Variants in ESR1 observed in about 807,000 individuals in gnomAD.
ESR1 encodes the protein estrogen receptor.
A neutral mutation model predicts 52.7 loss-of-function variants in ESR1; 12 were observed. The observed-to-expected ratio is 0.23, with a 90% confidence interval of 0.15 to 0.37. The LOEUF (loss-of-function observed/expected upper bound fraction) is 0.37. Among genes scored for constraint, ESR1 ranks in the 10% least tolerant of loss-of-function variants. The pLI, the probability that ESR1 is intolerant of heterozygous loss-of-function variation, is 1.00. For missense variants in ESR1, 584 were observed against 779.7 expected (o/e 0.75, Z 2.99); for synonymous variants, 305 against 316.8 (o/e 0.96, Z 0.39).
chr6:152,120,724 T>C (rs1010431969), intron 6 of ESR1, among the ~76,000 whole-genome samples: 1 of 152,044 alleles, frequency 6.6e-6, no homozygotes, highest in Non-Finnish European at 1.5e-5. Flanking sequence ...CCAGGCCCCA[T>C]CCCAGAGGTT....
chr6:151,748,754 G>A (rs1783673212), intron 2 of ESR1, among the ~76,000 whole-genome samples: 1 of 151,968 alleles, frequency 6.6e-6, no homozygotes, highest in Non-Finnish European at 1.5e-5. Flanking sequence ...ACCTATAAGG[G>A]GCAAATCAAG....
chr6:151,741,396 G>A (rs566286981), intron 2 of ESR1, among the ~76,000 whole-genome samples: 2 of 151,924 alleles, frequency 1.3e-5, no homozygotes, highest in African/African-American at 2.4e-5. Flanking sequence ...GAGCGCATAC[G>A]GGATAAGGGC....
intron 3 of ESR1, among the ~76,000 whole-genome samples, chr6:151,930,459 A>G (rs1424529999): frequency 6.6e-6 from 1 of 152,164 alleles, no homozygotes. Context: ...CATAGCTGTC[A>G]TTTATTTCAT....
rs1486534297 is a variant in ESR1 at position 152,101,529 on chromosome 6, A to C, written c.*2563A>C. On this transcript the variant is annotated 3_prime_UTR_variant, in exon 8 of 8. Coordinates refer to ENST00000206249, the MANE Select transcript of ESR1 (RefSeq NM_000125.4). ...TGGGCAGAGAACATCAGATGATTGA[A>C]ATGTTCGCCCAGGGGTCTCCAGCAA... 2.2e-5 allele frequency: 5 copies of C among 231,812 alleles called. No individual in the cohort carries two copies. Among genetic ancestry groups the C allele is most frequent in the Non-Finnish European group, 4.3e-5 (5 of 117,318 alleles). 14.4% of individuals were successfully genotyped at this position (231,812 alleles called of 1,614,324 possible).
intron 2 of ESR1, among the ~76,000 whole-genome samples, chr6:151,796,205 G>A (rs912747989): frequency 6.6e-6 from 1 of 151,446 alleles, no homozygotes; most frequent in Non-Finnish European, 1.5e-5. Flanking sequence ...CAAAAAATGA[G>A]GAAGATGTTT....
chr6:151,881,688 G>A (rs1792939669), intron 3 of ESR1, among the ~76,000 whole-genome samples: 1 of 152,110 alleles, frequency 6.6e-6, no homozygotes, highest in Non-Finnish European at 1.5e-5. Context: ...TTCGAGACCA[G>A]CTTGGCCAAC....
chr6:152,103,980 C>CTTTTT (rs369261779), downstream of ESR1, among the ~76,000 whole-genome samples: 310 of 93,850 alleles, frequency 3.3e-3, 3 homozygotes, highest in African/African-American at 5.6e-3. Flanking sequence ...TTCATTCTAC[C>CTTTTT]TTTTTTTTTT....
rs781418865 is a variant in ESR1 at position 152,094,364 on chromosome 6, A to T, written c.1370-21A>T. 4 of 1,608,534 alleles carry T rather than the reference A, an allele frequency of 2.5e-6. No individual in the cohort carries two copies. The highest frequency in any genetic ancestry group is 1.1e-5 in the South Asian group (1 of 90,884). On this transcript the variant is annotated intron_variant, in intron 6 of 7. Coordinates refer to ENST00000206249, the MANE Select transcript of ESR1 (RefSeq NM_000125.4). This position sits in a 1 kb window ranked among gnomAD's most constrained non-coding sequence, Gnocchi z 4.6. ...CATCCTCTTTGAGCTTCTCTCTCTC[A>T]CTCTCTCTCTGCGCATTCAGGAGTG...
chr6:151,672,827 A>ATTT (rs11365774), intron 1 of ESR1, among the ~76,000 whole-genome samples: 2 of 121,136 alleles, frequency 1.7e-5, no homozygotes, highest in South Asian at 2.7e-4. Flanking sequence ...TTCATGATCA[A>ATTT]TTTTTTTTTT....
At chr6:151,666,307 G>GAC (rs938395766) in intron 1 of ESR1, among the ~76,000 whole-genome samples, 1 of 152,190 alleles carries the variant, frequency 6.6e-6, no homozygotes, top group African/African-American at 2.4e-5. Flanking sequence ...GAGAGAGAGA[G>GAC]ACACACGCAC....
At chr6:151,670,956 T>TG (rs1471374872) in intron 1 of ESR1, among the ~76,000 whole-genome samples, 1 of 151,842 alleles carries the variant, frequency 6.6e-6, no homozygotes, top group African/African-American at 2.4e-5. Flanking sequence ...TTAGTAGAGA[T>TG]GGGGTTTCAC....
chr6:151,728,909 T>C (rs535363001), intron 2 of ESR1, among the ~76,000 whole-genome samples: 1 of 152,292 alleles, frequency 6.6e-6, no homozygotes, highest in East Asian at 1.9e-4. Context: ...CTAGAAAAGG[T>C]GATGCTAAAA....
Position 151,974,087 on chromosome 6 carries a change from G to A in ESR1, c.1096+29579G>A, listed in dbSNP as rs368769654. ...TTTATTTAAAAATGAGGGGTCATCT[G>A]GGCTGTGGTTTTTCAACCCCTGATT... On this transcript the variant is annotated intron_variant, in intron 4 of 7. Transcript: ENST00000206249. 2.1e-4 allele frequency among the ~76,000 whole-genome samples: 32 copies of A among 152,218 alleles called. No individual in the cohort carries two copies. In the South Asian group the frequency reaches 6.6e-3, roughly 32 times the overall value.
At chr6:151,743,865 G>C (rs992899373) in intron 2 of ESR1, among the ~76,000 whole-genome samples, 10 of 152,114 alleles carry the variant, frequency 6.6e-5, no homozygotes, top group Non-Finnish European at 1.5e-4. Flanking sequence ...ATTAATCGTA[G>C]AGTATTTTCA....
intron 1 of ESR1, among the ~76,000 whole-genome samples, chr6:151,820,929 T>C (rs1053880674): frequency 2.0e-5 from 3 of 152,176 alleles, no homozygotes; most frequent in African/African-American, 7.2e-5. Flanking sequence ...AAAATCTGGG[T>C]AAAATTGTAG....
intron 2 of ESR1, among the ~76,000 whole-genome samples, chr6:151,736,375 G>GTTCTTTCTTTTT (rs748276035): frequency 8.9e-6 from 1 of 112,742 alleles, no homozygotes; most frequent in Non-Finnish European, 1.7e-5. Flanking sequence ...TCCAGGTAGT[G>GTTCTTTCTTTTT]TTTTTTTTTT....
chr6:151,936,733 G>A (rs1228374216), intron 3 of ESR1, among the ~76,000 whole-genome samples: 2 of 152,148 alleles, frequency 1.3e-5, no homozygotes, highest in Non-Finnish European at 2.9e-5. Context: ...ATGTTATTTT[G>A]TAAGAAAGGG....
At chr6:151,817,768 T>C (rs767199981) in intron 1 of ESR1, among the ~76,000 whole-genome samples, 5 of 152,166 alleles carry the variant, frequency 3.3e-5, no homozygotes, top group Non-Finnish European at 5.9e-5. Flanking sequence ...TTGTTAAGTG[T>C]TTAGATAACT....
At chr6:151,684,204 G>A (rs1486217167) in intron 1 of ESR1, among the ~76,000 whole-genome samples, 3 of 152,052 alleles carry the variant, frequency 2.0e-5, no homozygotes, top group Non-Finnish European at 4.4e-5. Context: ...GGTCTCCATG[G>A]AGAAGGTGTG....
Sources: gnomAD v4.1 joint callset for allele counts (sites outside exome capture counted in the v4.1 genomes callset) on GRCh38, gnomAD v4.1.1 for gene constraint, Gnocchi (gnomAD v3.1) non-coding constraint, MANE v1.5 for transcripts, NCBI Gene and HGNC (gene_info 2026-07-23, HGNC 2026-07-21) for gene names.